KAT2B: variants seen among roughly 807,000 people sequenced by gnomAD.
The protein encoded by KAT2B is histone acetyltransferase KAT2B.
Under a neutral mutation model 105.9 loss-of-function variants are expected in KAT2B, and 36 were observed. The observed-to-expected ratio is 0.34, with a 90% CI of 0.26 to 0.45. The LOEUF is 0.45. KAT2B is among the 20% of genes least tolerant of loss of function. The probability of loss-of-function intolerance (pLI) is 1.00; values close to 1 mark genes in which losing one functional copy is unlikely to be tolerated. For synonymous variants in KAT2B, 397 were observed against 377.9 expected, an observed-to-expected ratio of 1.05 and a Z score of -0.59; for missense variants, 820 against 1,021.6, an observed-to-expected ratio of 0.80 and a Z score of 2.69.
At chr3:20,133,629 A>G (rs1699549339) in intron 11 of KAT2B, among the ~76,000 whole-genome samples, 1 of 152,124 alleles carries the variant, frequency 6.6e-6, no homozygotes, top group African/African-American at 2.4e-5. Flanking sequence ...TTCTGTTTGG[A>G]AATGTTTCCT....
chr3:20,104,591 C>A (rs1306479676), intron 5 of KAT2B, among the ~76,000 whole-genome samples: 1 of 152,156 alleles, frequency 6.6e-6, no homozygotes, highest in East Asian at 1.9e-4. Context: ...CTTGATGTTG[C>A]TGTAAGAGAA....
intron 6 of KAT2B, among the ~76,000 whole-genome samples, chr3:20,112,999 G>T (rs972821505): frequency 1.3e-5 from 2 of 152,140 alleles, no homozygotes; most frequent in African/African-American, 4.8e-5. Flanking sequence ...ATGGGCTTTG[G>T]CCAAACACCC....
chr3:20,115,027 A>G (rs1397808565), intron 7 of KAT2B, 39 bp downstream of exon 7: 1 of 1,275,168 alleles, frequency 7.8e-7, no homozygotes, highest in African/African-American at 1.5e-5. Flanking sequence ...ACAACCAGGG[A>G]GGCCAACCTG....
intron 1 of KAT2B, among the ~76,000 whole-genome samples, chr3:20,050,084 C>T (rs990395622): frequency 6.6e-6 from 1 of 151,776 alleles, no homozygotes; most frequent in East Asian, 1.9e-4. Context: ...CCTATAGTCC[C>T]AGCTACTCAG....
At chr3:20,121,762 GTGTGTGTGTGTGTGTGTGTGTA>G (rs1699314613) in intron 8 of KAT2B, among the ~76,000 whole-genome samples, 1 of 150,294 alleles carries the variant, frequency 6.7e-6, no homozygotes, top group Non-Finnish European at 1.5e-5. Context: ...GTGTGTGTGT[GTGTGTGTGTGTGTGTGTGTGTA>G]TAGCCAAGCC....
chr3:20,104,935 G>A (rs1698973861), intron 5 of KAT2B, among the ~76,000 whole-genome samples: 1 of 148,932 alleles, frequency 6.7e-6, no homozygotes, highest in Non-Finnish European at 1.5e-5. Context: ...TGTCCAGGCT[G>A]GAGTGCAGTG....
At chr3:20,107,859 A>G (rs1232451576) in intron 5 of KAT2B, among the ~76,000 whole-genome samples, 1 of 120,820 alleles carries the variant, frequency 8.3e-6, no homozygotes, top group Non-Finnish European at 1.6e-5. Flanking sequence ...CCCAGGCTGG[A>G]GTGCAGTGGT....
chr3:20,064,955 C>T (rs943546463), intron 1 of KAT2B, among the ~76,000 whole-genome samples: 3 of 152,198 alleles, frequency 2.0e-5, no homozygotes. Flanking sequence ...TCTTCACACC[C>T]ATCTCACTCA....
chr3:20,125,299 C>T (rs1345760631), intron 9 of KAT2B, among the ~76,000 whole-genome samples: 12 of 119,800 alleles, frequency 1.0e-4, no homozygotes, highest in African/African-American at 1.3e-4. Flanking sequence ...AGCGAGACTC[C>T]GTCTCAGAAA....
intron 1 of KAT2B, 51 bp downstream of exon 1, chr3:20,040,831 G>C: frequency 6.6e-7 from 1 of 1,519,420 alleles, no homozygotes; most frequent in Non-Finnish European, 8.8e-7. Context: ...GGCCCAGCCC[G>C]CGGGACCCCC....
At position 20,040,707 on chromosome 3, in the gene KAT2B, T is replaced by C; in HGVS notation, c.230T>C (p.Val77Ala). 1 of 1,589,480 alleles carries C rather than the reference T, an allele frequency of 6.3e-7. No individual in the cohort carries two copies. The highest frequency in any genetic ancestry group is 8.5e-7 in the Non-Finnish European group (1 of 1,171,620). Reference sequence around the variant, plus strand: ...GGCGGTGGCTCGGCCCGAATCGCCGTGAAGAAAGCGCAACTACGCTCCGCT... The same window carrying C: ...GGCGGTGGCTCGGCCCGAATCGCCGCGAAGAAAGCGCAACTACGCTCCGCT... Reference protein sequence around the residue: ...PGGGGSARIAVKKAQLRSAPR... With the variant: ...PGGGGSARIAAKKAQLRSAPR... Residue 77 changes from valine (V) to alanine (A), a missense_variant, in exon 1 of 18, where the codon GTG (valine) becomes GCG (alanine). Coordinates refer to ENST00000263754, the MANE Select transcript of KAT2B (RefSeq NM_003884.5).
intron 1 of KAT2B, among the ~76,000 whole-genome samples, chr3:20,047,106 A>C (rs1318968625): frequency 6.8e-6 from 1 of 147,224 alleles, no homozygotes; most frequent in Non-Finnish European, 1.5e-5. Flanking sequence ...GGCTTTTTTG[A>C]GGCAGGGTCT....
chr3:20,072,938 C>A (rs1698352071), intron 2 of KAT2B, among the ~76,000 whole-genome samples: 1 of 152,062 alleles, frequency 6.6e-6, no homozygotes, highest in Non-Finnish European at 1.5e-5. Flanking sequence ...TCTTTCTTCA[C>A]TGGGCTGCTC....
At chr3:20,129,091 G>A (rs773542818) in intron 11 of KAT2B, among the ~76,000 whole-genome samples, 1 of 149,698 alleles carries the variant, frequency 6.7e-6, no homozygotes, top group Non-Finnish European at 1.5e-5. Flanking sequence ...GGATGATTAA[G>A]ATGGCTGCTG....
intron 2 of KAT2B, among the ~76,000 whole-genome samples, chr3:20,086,935 C>G (rs1159156915): frequency 1.3e-5 from 2 of 149,176 alleles, no homozygotes; most frequent in Non-Finnish European, 3.0e-5. Flanking sequence ...GCATGTGCCC[C>G]CATGCCTGGA....
intron 1 of KAT2B, among the ~76,000 whole-genome samples, chr3:20,047,263 G>A (rs2125163659): frequency 6.6e-6 from 1 of 152,000 alleles, no homozygotes; most frequent in South Asian, 2.1e-4. Flanking sequence ...CGCCAACCTG[G>A]GTTTCGCCAT....
At chr3:20,063,804 G>A (rs1264609346) in intron 1 of KAT2B, among the ~76,000 whole-genome samples, 1 of 151,442 alleles carries the variant, frequency 6.6e-6, no homozygotes, top group Non-Finnish European at 1.5e-5. Flanking sequence ...GCCTCCCCAA[G>A]TGCTGGGATT....
chr3:20,110,288 C>T (rs1029638658), intron 5 of KAT2B, among the ~76,000 whole-genome samples: 2 of 151,948 alleles, frequency 1.3e-5, no homozygotes, highest in African/African-American at 4.8e-5. Context: ...ACCTTTTCCT[C>T]GTTTGGTGCC....
In KAT2B at chr3:20,142,394, A is replaced by AT. The variant is rs536229126; in HGVS notation, c.2004+2037dup. Among the ~76,000 whole-genome samples the AT allele has an allele frequency of 3.7e-4, 56 of 152,138 alleles. 1 individual carries two copies. The South Asian group carries it at 0.012, about 32-fold the overall frequency. The stretch of plus-strand genomic sequence containing the variant: ...AAAAATATATTTGGATTCATGTAGT[A>AT]TTTTTTTCCACAGAATTCAGTTGAT... On this transcript the variant is annotated intron_variant, in intron 13 of 17. Transcript: ENST00000263754.
Sources: gnomAD v4.1 joint callset for allele counts (sites outside exome capture counted in the v4.1 genomes callset) on GRCh38, gnomAD v4.1.1 for gene constraint, MANE v1.5 for transcripts, NCBI Gene and HGNC (gene_info 2026-07-23, HGNC 2026-07-21) for gene names.